SLC6A4: variants seen among roughly 807,000 people sequenced by gnomAD.
The protein encoded by SLC6A4 is sodium-dependent serotonin transporter.
Under a neutral mutation model 73.4 loss-of-function variants are expected in SLC6A4, and 22 were observed. The observed-to-expected ratio is 0.30, with a 90% confidence interval of 0.21 to 0.43. The LOEUF (loss-of-function observed/expected upper bound fraction) is 0.43, where lower values mean the gene tolerates loss of function less well. SLC6A4 is among the 20% of genes least tolerant of loss of function. The pLI is 1.00. For synonymous variants in SLC6A4, 270 were observed against 315.5 expected (o/e 0.86, Z 1.53); for missense variants, 593 against 808.5 (o/e 0.73, Z 3.23).
In SLC6A4 at chr17:30,223,853, C is replaced by T. The variant is rs56336569; in HGVS notation, c.-220-938G>A. 3.5e-3 allele frequency among the ~76,000 whole-genome samples: 540 copies of T among 152,188 alleles called. 1 individual carries two copies. Among genetic ancestry groups the T allele is most frequent in the African/African-American group, 0.011 (444 of 41,514 alleles). The stretch of plus-strand genomic sequence containing the variant: ...GCTACTGCCTGGCCTTGGCCTCCCC[C>T]CACTTCCCCCTTCCTTCGGCCCTCA... On this transcript the variant is annotated intron_variant, in intron 1 of 14. Transcript: ENST00000650711.
chr17:30,219,512 T>A (rs1222107104), intron 3 of SLC6A4, among the ~76,000 whole-genome samples: 3 of 152,190 alleles, frequency 2.0e-5, no homozygotes, highest in African/African-American at 4.8e-5. Flanking sequence ...CAAATCAGTA[T>A]CTTTGTTCAT....
chr17:30,214,597 T>C (rs1471844697), intron 8 of SLC6A4, among the ~76,000 whole-genome samples: 1 of 151,794 alleles, frequency 6.6e-6, no homozygotes, highest in African/African-American at 2.4e-5. Context: ...GTTGCAGCTT[T>C]TTGTAAACTT....
intron 1 of SLC6A4, among the ~76,000 whole-genome samples, chr17:30,225,562 A>T (rs1200189345): frequency 6.6e-6 from 1 of 152,140 alleles, no homozygotes; most frequent in Admixed American, 6.5e-5. Context: ...AAGATTGCAA[A>T]CGAGGTCAAT....
chr17:30,207,712 G>C lies in SLC6A4; in HGVS notation c.1650+20C>G. 6.6e-7 allele frequency: 1 copy of C among 1,523,296 alleles called. No individual in the cohort carries two copies. The allele number at this position is 1,523,296 out of a possible 1,614,324, so 94.4% of individuals were successfully genotyped here. A position where few individuals can be genotyped will look rare whatever the true frequency, so the allele number is the denominator to read the frequency against. On this transcript the variant is annotated intron_variant, in intron 13 of 14. Transcript: ENST00000650711. ...AAGTCTTTCGCCAGGGCAAGGAGGA[G>C]AAGGGAAATGGCAACTCACCAGGAG...
In SLC6A4 at chr17:30,198,337, GC is replaced by G; in HGVS notation, c.*118del. Reference sequence around the variant, plus strand: ...ACCAGACTGTGTCCCTGTGGAGAAGGCCCTTCCATCATCAGGCTTAGCTGGA... The same window carrying G: ...ACCAGACTGTGTCCCTGTGGAGAAGGCCTTCCATCATCAGGCTTAGCTGGA... On this transcript the variant is annotated 3_prime_UTR_variant, in exon 15 of 15. Coordinates refer to ENST00000650711, the MANE Select transcript of SLC6A4 (RefSeq NM_001045.6). The G allele has an allele frequency of 1.6e-6, 1 of 632,794 alleles. No homozygotes were observed. Among genetic ancestry groups the G allele is most frequent in the South Asian group, 2.0e-5 (1 of 49,714 alleles). The allele number at this position is 632,794 out of a possible 1,614,324, so 39.2% of individuals were successfully genotyped here.
chr17:30,218,058 C>G, intron 5 of SLC6A4, 60 bp downstream of exon 5: 5 of 1,419,590 alleles, frequency 3.5e-6, no homozygotes, highest in Non-Finnish European at 5.0e-6. Flanking sequence ...TTTTAAGAAG[C>G]CAAACCCCAG....
intron 1 of SLC6A4, among the ~76,000 whole-genome samples, chr17:30,225,500 C>T (rs1906899265): frequency 6.6e-6 from 1 of 152,154 alleles, no homozygotes; most frequent in African/African-American, 2.4e-5. Context: ...TCTGAGAATG[C>T]CCTCTTCTAA....
Position 30,207,160 on chromosome 17 carries a change from G to A in SLC6A4, c.1650+572C>T, listed in dbSNP as rs1454256170. ...GTTATGCATCACTATCACTGCCAGA[G>A]TGACTGAAGCCCAGACTACTCCATG... On this transcript the variant is annotated intron_variant, in intron 13 of 14. Coordinates refer to ENST00000650711, the MANE Select transcript of SLC6A4 (RefSeq NM_001045.6). Among the ~76,000 whole-genome samples, 4 of 152,134 alleles carry A rather than the reference G, an allele frequency of 2.6e-5. No individual in the cohort carries two copies. The East Asian group carries it at 7.7e-4, about 29-fold the overall frequency.
At chr17:30,215,039 C>CTTTCTTTA (rs1312089557) in intron 8 of SLC6A4, among the ~76,000 whole-genome samples, 2 of 131,616 alleles carry the variant, frequency 1.5e-5, no homozygotes, top group African/African-American at 5.6e-5. Context: ...TTCTTTCTTT[C>CTTTCTTTA]TTTCTTTATT....
chr17:30,210,427 G>T, intron 11 of SLC6A4, 88 bp downstream of exon 11: 2 of 1,419,600 alleles, frequency 1.4e-6, no homozygotes, highest in Non-Finnish European at 1.9e-6. Context: ...CCAGGGCACT[G>T]TGTGAGATGG....
At chr17:30,229,865 C>T (rs1263714607) in intron 1 of SLC6A4, among the ~76,000 whole-genome samples, 4 of 151,878 alleles carry the variant, frequency 2.6e-5, no homozygotes, top group Non-Finnish European at 5.9e-5. Flanking sequence ...ACTAAAAATA[C>T]AAAAATTAGC....
At chr17:30,209,035 A>G in intron 12 of SLC6A4, 108 bp downstream of exon 12, 1 of 727,332 alleles carries the variant, frequency 1.4e-6, no homozygotes. Flanking sequence ...TCGGGAGGTC[A>G]CATCTTGTAA....
chr17:30,218,649 C>T (rs1906655906), intron 4 of SLC6A4, 148 bp downstream of exon 4: 9 of 780,738 alleles, frequency 1.2e-5, no homozygotes, highest in East Asian at 9.8e-5. Flanking sequence ...ACACCACTTA[C>T]GCAGTCAAAA....
At chr17:30,230,800 G>A (rs748214956) in intron 1 of SLC6A4, among the ~76,000 whole-genome samples, 5 of 152,114 alleles carry the variant, frequency 3.3e-5, no homozygotes, top group Non-Finnish European at 5.9e-5. Flanking sequence ...GAGGGGGCGC[G>A]GAGGACACGT....
chr17:30,195,205 T>C lies in SLC6A4; in HGVS notation c.*3251A>G. ...AAGGACAGACATATTTAAGATTCCATCCTAAAATATTTATCTTTTCTATCG... is the reference window on the plus strand; with the variant it reads ...AAGGACAGACATATTTAAGATTCCACCCTAAAATATTTATCTTTTCTATCG... On this transcript the variant is annotated 3_prime_UTR_variant, in exon 15 of 15. Transcript: ENST00000650711. 6.6e-6 allele frequency: 1 copy of C among 152,224 alleles called. No individual in the cohort carries two copies. The highest frequency in any genetic ancestry group is 1.5e-5 in the Non-Finnish European group (1 of 68,034). 9.4% of individuals were successfully genotyped at this position (152,224 alleles called of 1,614,324 possible).
intron 14 of SLC6A4, among the ~76,000 whole-genome samples, chr17:30,202,248 C>T (rs1906061634): frequency 6.6e-6 from 1 of 152,132 alleles, no homozygotes; most frequent in Admixed American, 6.6e-5. Context: ...ATAGATTATG[C>T]TGAGTAGCTG....
intron 1 of SLC6A4, among the ~76,000 whole-genome samples, chr17:30,232,574 A>G (rs571610809): frequency 1.3e-5 from 2 of 152,290 alleles, no homozygotes; most frequent in South Asian, 4.1e-4. Flanking sequence ...CCATTAACAA[A>G]TCCCCTTGGT....
chr17:30,211,206 A>G lies in SLC6A4; in HGVS notation c.1317+106T>C. On this transcript the variant is annotated intron_variant, in intron 10 of 14. Coordinates refer to ENST00000650711, the MANE Select transcript of SLC6A4 (RefSeq NM_001045.6). This position sits in a 1 kb window ranked among gnomAD's most constrained non-coding sequence, Gnocchi z 4.0. ...TCTGGAGCACCAGAAGGGAGTAGCC[A>G]AAGCTGCCTGGGATGGCCAGGGATG... 1.3e-6 allele frequency: 1 copy of G among 743,154 alleles called. No homozygotes were observed. Among genetic ancestry groups the G allele is most frequent in the Non-Finnish European group, 2.3e-6 (1 of 433,500 alleles). 46.0% of individuals were successfully genotyped at this position (743,154 alleles called of 1,614,324 possible).
chr17:30,230,797 C>T (rs1907088759), intron 1 of SLC6A4, among the ~76,000 whole-genome samples: 1 of 151,974 alleles, frequency 6.6e-6, no homozygotes, highest in East Asian at 1.9e-4. Flanking sequence ...GGAGAGGGGG[C>T]GCGGAGGACA....
Sources: allele counts gnomAD v4.1 joint callset (sites outside exome capture counted in the v4.1 genomes callset), GRCh38; gene constraint gnomAD v4.1.1; non-coding constraint Gnocchi (gnomAD v3.1); transcripts MANE v1.5; gene names NCBI Gene and HGNC (gene_info 2026-07-23, HGNC 2026-07-21).